Variants in ZPLD1 observed in about 807,000 individuals in gnomAD.
The protein encoded by ZPLD1 is zona pellucida-like domain-containing protein 1.
Under a neutral mutation model 47.2 loss-of-function variants are expected in ZPLD1, and 34 were observed. That is an observed-to-expected ratio of 0.72 (90% CI 0.55 to 0.96). The LOEUF is 0.96. Among genes scored for constraint, ZPLD1 ranks in the 40% least tolerant of loss-of-function variants. ZPLD1 has a pLI of 0.00. For synonymous variants in ZPLD1, 176 were observed against 186.2 expected (o/e 0.95, Z 0.45); for missense variants, 512 against 505.8 (o/e 1.01, Z -0.12).
At chr3:102,450,829 T>C (rs1707326790) in intron 3 of ZPLD1, among the ~76,000 whole-genome samples, 1 of 152,192 alleles carries the variant, frequency 6.6e-6, no homozygotes, top group Non-Finnish European at 1.5e-5. Flanking sequence ...TAGATACTCA[T>C]AAACATTTAT....
At chr3:102,453,610 T>C (rs1463004929) in intron 4 of ZPLD1, among the ~76,000 whole-genome samples, 1 of 152,244 alleles carries the variant, frequency 6.6e-6, no homozygotes, top group Non-Finnish European at 1.5e-5. Context: ...TGATCAACAC[T>C]AGTGCTTTGT....
chr3:102,415,820 A>G (rs1307328918), intron 7 of ZPLD1, among the ~76,000 whole-genome samples: 1 of 151,880 alleles, frequency 6.6e-6, no homozygotes, highest in Non-Finnish European at 1.5e-5. Context: ...TTAAAGGATG[A>G]CAGGAATGAA....
intron 9 of ZPLD1, 51 bp downstream of exon 9, chr3:102,469,186 A>C: frequency 6.5e-7 from 1 of 1,545,030 alleles, no homozygotes; most frequent in Non-Finnish European, 8.7e-7. Context: ...TCTAAGCTGA[A>C]AGGTTATCAA....
chr3:102,467,515 T>C (rs1707614776), intron 8 of ZPLD1, among the ~76,000 whole-genome samples: 1 of 152,004 alleles, frequency 6.6e-6, no homozygotes, highest in Non-Finnish European at 1.5e-5. Context: ...AACTGAGAAA[T>C]AGATCCCCAA....
intron 8 of ZPLD1, among the ~76,000 whole-genome samples, chr3:102,427,937 C>T (rs527339339): frequency 6.6e-6 from 1 of 152,182 alleles, no homozygotes; most frequent in Admixed American, 6.5e-5. Flanking sequence ...CCCATATTAA[C>T]TTCTGTAAGT....
chr3:102,472,642 T>C (rs549949559), intron 10 of ZPLD1, among the ~76,000 whole-genome samples: 1 of 152,220 alleles, frequency 6.6e-6, no homozygotes, highest in African/African-American at 2.4e-5. Flanking sequence ...ACTCAGTTCT[T>C]GTTGCCAAAT....
At chr3:102,413,143 A>T (rs183123284) in intron 7 of ZPLD1, among the ~76,000 whole-genome samples, 7 of 151,948 alleles carry the variant, frequency 4.6e-5, no homozygotes, top group African/African-American at 1.7e-4. Flanking sequence ...ATATAGAAAC[A>T]AACAAATAAA....
rs183572646 is a variant in ZPLD1 at position 102,464,362 on chromosome 3, T to A, written c.761+111T>A. The A allele has an allele frequency of 8.5e-4, 609 of 720,476 alleles. 1 individual carries two copies. Among genetic ancestry groups the A allele is most frequent in the Non-Finnish European group, 1.2e-3 (549 of 457,966 alleles). 44.6% of individuals were successfully genotyped at this position (720,476 alleles called of 1,614,324 possible). A position where few individuals can be genotyped will look rare whatever the true frequency, so the allele number is the denominator to read the frequency against. The stretch of plus-strand genomic sequence containing the variant: ...ATAAAGCACTATTATAGCTTTTGAA[T>A]TTCAAGTTTTACATTTTGAACTTTG... On this transcript the variant is annotated intron_variant, in intron 8 of 11. Coordinates refer to ENST00000466937, the MANE Select transcript of ZPLD1 (RefSeq NM_001329788.2).
chr3:102,477,793 T>C lies in ZPLD1; in HGVS notation c.*175T>C, dbSNP rs1707781496. On this transcript the variant is annotated 3_prime_UTR_variant, in exon 12 of 12. Transcript: ENST00000466937. ...GTGAAAGAAGTTTATTATATTGCTA[T>C]TGTCACTTATGTACGTGGCGAGCCG... The C allele has an allele frequency of 1.9e-5, 10 of 538,514 alleles. 1 individual carries two copies. The South Asian group carries it at 4.4e-4, about 23-fold the overall frequency. 33.4% of individuals were successfully genotyped at this position (538,514 alleles called of 1,614,324 possible). A position where few individuals can be genotyped will look rare whatever the true frequency, so the allele number is the denominator to read the frequency against.
intron 7 of ZPLD1, among the ~76,000 whole-genome samples, chr3:102,406,033 G>A (rs1706681132): frequency 6.6e-6 from 1 of 151,942 alleles, no homozygotes; most frequent in Admixed American, 6.6e-5. Context: ...CTTTGGAAAT[G>A]TAAGTCTGTG....
intron 10 of ZPLD1, among the ~76,000 whole-genome samples, chr3:102,472,531 CAAAA>C (rs374641646): frequency 3.5e-5 from 3 of 85,374 alleles, no homozygotes; most frequent in African/African-American, 5.0e-5. Context: ...GACTCTGTCT[CAAAA>C]AAAAAAAAAA....
intron 8 of ZPLD1, among the ~76,000 whole-genome samples, chr3:102,421,903 C>A (rs9863720): frequency 2.6e-5 from 4 of 151,238 alleles, no homozygotes; most frequent in Non-Finnish European, 5.9e-5. Flanking sequence ...TCTAGACCCC[C>A]AAGTCCCATT....
intron 7 of ZPLD1, among the ~76,000 whole-genome samples, chr3:102,413,922 A>G (rs760370327): frequency 1.3e-5 from 2 of 151,734 alleles, no homozygotes; most frequent in Non-Finnish European, 2.9e-5. Flanking sequence ...TTTTTTGTAA[A>G]AAAAATGAAG....
chr3:102,419,126 T>G (rs1027759752), intron 8 of ZPLD1, among the ~76,000 whole-genome samples: 1 of 152,070 alleles, frequency 6.6e-6, no homozygotes, highest in African/African-American at 2.4e-5. Flanking sequence ...GAAACAGTTC[T>G]AAACTGTCAG....
intron 9 of ZPLD1, 80 bp downstream of exon 9, chr3:102,469,215 T>C: frequency 6.9e-7 from 1 of 1,456,504 alleles, no homozygotes; most frequent in East Asian, 2.3e-5. Flanking sequence ...AACTAAGTTC[T>C]GCATAGAAAG....
intron 8 of ZPLD1, among the ~76,000 whole-genome samples, chr3:102,425,271 C>A (rs1297743695): frequency 6.6e-6 from 1 of 152,004 alleles, no homozygotes; most frequent in African/African-American, 2.4e-5. Flanking sequence ...TGGGTAGAGA[C>A]AGTTTTGCCA....
chr3:102,428,713 CAT>C (rs1706980394), intron 8 of ZPLD1, among the ~76,000 whole-genome samples: 1 of 150,040 alleles, frequency 6.7e-6, no homozygotes, highest in African/African-American at 2.4e-5. Flanking sequence ...TATTAAATAA[CAT>C]ATATGTATAT....
In ZPLD1 at chr3:102,442,319, A is replaced by AACAC. The variant is rs34634788; in HGVS notation, c.106+3768_106+3771dup. Among the ~76,000 whole-genome samples, 858 of 139,928 alleles carry AACAC rather than the reference A, an allele frequency of 6.1e-3. 6 individuals carry two copies. The highest frequency in any genetic ancestry group is 0.01 in the South Asian group (41 of 4,006). 91.8% of individuals were successfully genotyped at this position (139,928 alleles called of 152,430 possible). A position where few individuals can be genotyped will look rare whatever the true frequency, so the allele number is the denominator to read the frequency against. ...ATATTCATAAACACATACACCCATA[A>AACAC]ACACACACACACACACACACACACA... On this transcript the variant is annotated intron_variant, in intron 3 of 11. Transcript: ENST00000466937.
At chr3:102,475,380 A>G (rs998663005) in intron 10 of ZPLD1, among the ~76,000 whole-genome samples, 3 of 152,208 alleles carry the variant, frequency 2.0e-5, no homozygotes, top group Admixed American at 2.0e-4. Context: ...GCATCTAGTC[A>G]TAGCACTCTT....
Sources: gnomAD v4.1 joint callset for allele counts (sites outside exome capture counted in the v4.1 genomes callset) on GRCh38, gnomAD v4.1.1 for gene constraint, MANE v1.5 for transcripts, NCBI Gene and HGNC (gene_info 2026-07-23, HGNC 2026-07-21) for gene names.